TGFBR3: variants seen among roughly 807,000 people sequenced by gnomAD.
The protein encoded by TGFBR3 is transforming growth factor beta receptor type 3.
TGFBR3 carries 46 observed loss-of-function variants against 87.9 expected under a neutral mutation model. That is an observed-to-expected ratio of 0.52 (90% CI 0.41 to 0.67). TGFBR3 has a LOEUF of 0.67. TGFBR3 is among the 30% of genes least tolerant of loss of function. TGFBR3 has a pLI of 0.00. For missense variants in TGFBR3, 866 were observed against 1,041.9 expected (o/e 0.83, Z 2.32); for synonymous variants, 381 against 391.6 (o/e 0.97, Z 0.32).
chr1:91,849,331 A>T (rs768079577), intron 2 of TGFBR3, among the ~76,000 whole-genome samples: 1 of 151,788 alleles, frequency 6.6e-6, no homozygotes, highest in Non-Finnish European at 1.5e-5. Flanking sequence ...ACCGTCTCCC[A>T]CCCCTCAGTT....
At chr1:91,837,611 C>A (rs1041672837) in intron 2 of TGFBR3, among the ~76,000 whole-genome samples, 1 of 151,978 alleles carries the variant, frequency 6.6e-6, no homozygotes, top group Admixed American at 6.6e-5. Context: ...TATTTAGAAC[C>A]CATTAACAAA....
At chr1:91,827,939 C>T (rs1444452532) in intron 2 of TGFBR3, among the ~76,000 whole-genome samples, 2 of 152,176 alleles carry the variant, frequency 1.3e-5, no homozygotes, top group African/African-American at 4.8e-5. Context: ...GCATAACTCC[C>T]AACGGACTTG....
At chr1:91,731,145 A>G (rs1672753627) in intron 5 of TGFBR3, among the ~76,000 whole-genome samples, 1 of 152,242 alleles carries the variant, frequency 6.6e-6, no homozygotes, top group African/African-American at 2.4e-5. Context: ...CTACTATAAA[A>G]CAGACTTCTG....
Position 91,695,762 on chromosome 1 carries a change from C to T in TGFBR3, c.2347G>A (p.Asp783Asn). Residue 783 changes from aspartate (D) to asparagine (N), a missense_variant, in exon 16 of 17, where the codon GAC (aspartate) becomes AAC (asparagine). By Grantham distance (23) the Asp-to-Asn change is conservative. Coordinates refer to ENST00000212355, the MANE Select transcript of TGFBR3 (RefSeq NM_003243.5). ...GCAATGCCCATCACGGTTAGGGTGT[C>T]CAGACCATGGAAAATTGCTATAAAG... Reference protein sequence around the residue: ...PISPPIFHGLDTLTVMGIAFA... With the variant: ...PISPPIFHGLNTLTVMGIAFA... 6.2e-7 allele frequency: 1 copy of T among 1,614,112 alleles called. No individual in the cohort carries two copies. The highest frequency in any genetic ancestry group is 8.5e-7 in the Non-Finnish European group (1 of 1,179,996).
intron 10 of TGFBR3, among the ~76,000 whole-genome samples, chr1:91,718,779 A>G (rs560989522): frequency 3.3e-5 from 5 of 152,322 alleles, no homozygotes; most frequent in African/African-American, 1.2e-4. Flanking sequence ...AGTTTCTTCA[A>G]TGTATGGTCT....
intron 2 of TGFBR3, among the ~76,000 whole-genome samples, chr1:91,852,329 A>T (rs553906832): frequency 1.3e-4 from 20 of 152,250 alleles, no homozygotes; most frequent in African/African-American, 4.6e-4. Flanking sequence ...GGGCAAGGGA[A>T]TCTTTGAGAA....
chr1:91,890,409 CTTTTT>C (rs1175619952), upstream of TGFBR3, among the ~76,000 whole-genome samples: 1 of 60,364 alleles, frequency 1.7e-5, no homozygotes. Context: ...TCTCTATAAT[CTTTTT>C]TTTTTTTTTT....
intron 1 of TGFBR3, among the ~76,000 whole-genome samples, chr1:91,883,891 T>C (rs941160858): frequency 2.0e-5 from 3 of 151,948 alleles, no homozygotes; most frequent in African/African-American, 7.3e-5. Context: ...TGGCATGAAA[T>C]CAATTTCATG....
rs1025264793 is a variant in TGFBR3, at chr1:91,815,607, A to G, written c.62-18136T>C. On this transcript the variant is annotated intron_variant, in intron 2 of 16. Coordinates refer to ENST00000212355, the MANE Select transcript of TGFBR3 (RefSeq NM_003243.5). Reference sequence around the variant, plus strand: ...TTTGGACCTAGAAGGCCTGGGTTCCAGGCTCATCTCTGCCATTAACAAGTT... The same window carrying G: ...TTTGGACCTAGAAGGCCTGGGTTCCGGGCTCATCTCTGCCATTAACAAGTT... 2.0e-5 allele frequency among the ~76,000 whole-genome samples: 3 copies of G among 152,196 alleles called. No individual in the cohort carries two copies. In the East Asian group the frequency reaches 5.8e-4, roughly 29 times the overall value.
At chr1:91,888,564 T>A (rs925600372), upstream of TGFBR3, among the ~76,000 whole-genome samples, 1 of 152,088 alleles carries the variant, frequency 6.6e-6, no homozygotes, top group Non-Finnish European at 1.5e-5. Context: ...TAGCCAGGCA[T>A]GGTGGCGGGC....
At chr1:91,809,971 A>G (rs1475335986) in intron 2 of TGFBR3, among the ~76,000 whole-genome samples, 1 of 152,220 alleles carries the variant, frequency 6.6e-6, no homozygotes, top group Non-Finnish European at 1.5e-5. Context: ...AAGCAGTGCC[A>G]TCAACAGAAC....
intron 2 of TGFBR3, among the ~76,000 whole-genome samples, chr1:91,845,252 G>A (rs1330826456): frequency 6.6e-6 from 1 of 152,094 alleles, no homozygotes; most frequent in Admixed American, 6.5e-5. Flanking sequence ...GTAAGATTTG[G>A]TCTGGGATTT....
At chr1:91,882,347 G>C (rs1270842144) in intron 1 of TGFBR3, among the ~76,000 whole-genome samples, 2 of 151,588 alleles carry the variant, frequency 1.3e-5, no homozygotes, top group African/African-American at 4.8e-5. Context: ...ATGTTGGCCA[G>C]GCTGGTCTCG....
chr1:91,788,492 C>T (rs898047525), intron 3 of TGFBR3, among the ~76,000 whole-genome samples: 1 of 152,192 alleles, frequency 6.6e-6, no homozygotes, highest in East Asian at 1.9e-4. Context: ...AATAATTAAA[C>T]GTGTCTAAAC....
intron 3 of TGFBR3, among the ~76,000 whole-genome samples, chr1:91,792,442 A>G (rs1391668455): frequency 6.6e-6 from 1 of 152,216 alleles, no homozygotes; most frequent in Non-Finnish European, 1.5e-5. Context: ...GTCAAAACAA[A>G]TGCATAAATT....
chr1:91,714,549 GA>G (rs573911951), intron 12 of TGFBR3, among the ~76,000 whole-genome samples: 15 of 147,642 alleles, frequency 1.0e-4, no homozygotes, highest in East Asian at 2.0e-4. Context: ...AACAAGAATG[GA>G]AAAAAAAAAC....
At chr1:91,882,180 A>AGGCT (rs10681615) in intron 1 of TGFBR3, among the ~76,000 whole-genome samples, 2,801 of 141,124 alleles carry the variant, frequency 0.02, 95 homozygotes, top group African/African-American at 0.068. Context: ...GCTGTCTGCC[A>AGGCT]GGCTGGCGTG....
intron 3 of TGFBR3, chr1:91,783,144 G>A (rs1051011745): frequency 6.6e-6 from 1 of 152,210 alleles, no homozygotes; most frequent in African/African-American, 2.4e-5. Context: ...TTGCTTCACA[G>A]TGAGAATCAG....
intron 2 of TGFBR3, among the ~76,000 whole-genome samples, chr1:91,808,955 A>T (rs1675933591): frequency 6.6e-6 from 1 of 152,214 alleles, no homozygotes; most frequent in African/African-American, 2.4e-5. Context: ...GGGAGAAAAT[A>T]AGATCTTTTT....
Sources: gnomAD v4.1 joint callset for allele counts (sites outside exome capture counted in the v4.1 genomes callset) on GRCh38, gnomAD v4.1.1 for gene constraint, MANE v1.5 for transcripts, NCBI Gene and HGNC (gene_info 2026-07-23, HGNC 2026-07-21) for gene names.